NDUFA5: variants seen among roughly 807,000 people sequenced by gnomAD.
The protein encoded by NDUFA5 is NADH:ubiquinone oxidoreductase subunit A5.
Under a neutral mutation model 19.8 loss-of-function variants are expected in NDUFA5, and 11 were observed. That is an observed-to-expected ratio of 0.56 (90% CI 0.35 to 0.92). The LOEUF is 0.92. Ranked by LOEUF, NDUFA5 falls within the 40% of genes least tolerant of loss-of-function variation. NDUFA5 has a pLI of 0.01. For synonymous variants in NDUFA5, 47 were observed against 46.8 expected, an observed-to-expected ratio of 1.00 and a Z score of -0.01; for missense variants, 109 against 134.2, an observed-to-expected ratio of 0.81 and a Z score of 0.93.
At chr7:123,552,192 T>C (rs567966292) in intron 2 of NDUFA5, among the ~76,000 whole-genome samples, 3 of 136,862 alleles carry the variant, frequency 2.2e-5, no homozygotes, top group Middle Eastern at 4.1e-3. Flanking sequence ...AAAAAAAAAA[T>C]GTGTGCAGTC....
chr7:123,555,557 A>T (rs967770764), intron 2 of NDUFA5: 2 of 152,224 alleles, frequency 1.3e-5, no homozygotes, highest in Non-Finnish European at 2.9e-5. Flanking sequence ...TATCAAGAAA[A>T]ATACAGCCCA....
chr7:123,576,745 G>A, the NDUFA5 span, among the ~76,000 whole-genome samples: 1 of 152,142 alleles, frequency 6.6e-6, no homozygotes, highest in Non-Finnish European at 1.5e-5. Context: ...GTGAAGATGA[G>A]TTCTTCACCT....
the NDUFA5 span, among the ~76,000 whole-genome samples, chr7:123,601,392 A>G: frequency 6.6e-6 from 1 of 152,214 alleles, no homozygotes; most frequent in East Asian, 1.9e-4. Flanking sequence ...ACAAAAATCA[A>G]AGACAGCAAA....
Position 123,540,888 on chromosome 7 carries a change from GTGCACACACACACACACA to G in NDUFA5, c.*1213_*1230del, listed in dbSNP as rs1238862844. 13 of 83,814 alleles carry G rather than the reference GTGCACACACACACACACA, an allele frequency of 1.6e-4. No individual in the cohort carries two copies. The highest frequency in any genetic ancestry group is 5.8e-4 in the African/African-American group (13 of 22,506). 5.2% of individuals were successfully genotyped at this position (83,814 alleles called of 1,614,324 possible). A position where few individuals can be genotyped will look rare whatever the true frequency, so the allele number is the denominator to read the frequency against. ...ATTCTGAGCAAATGTGCGCATGCGC[GTGCACACACACACACACA>G]CACACACACACACACACACACACAC... On this transcript the variant is annotated 3_prime_UTR_variant, in exon 5 of 5. Coordinates refer to ENST00000355749, the MANE Select transcript of NDUFA5 (RefSeq NM_005000.5).
At chr7:123,568,487 C>T in the NDUFA5 span, among the ~76,000 whole-genome samples, 2 of 150,640 alleles carry the variant, frequency 1.3e-5, no homozygotes, top group African/African-American at 4.9e-5. Flanking sequence ...TGCCATTGCA[C>T]TCCAGCCTGA....
At chr7:123,577,922 C>T in the NDUFA5 span, among the ~76,000 whole-genome samples, 6 of 151,784 alleles carry the variant, frequency 4.0e-5, no homozygotes, top group Non-Finnish European at 7.4e-5. Flanking sequence ...CTTTAAGTTC[C>T]GGGATACGTG....
chr7:123,569,894 C>T, the NDUFA5 span, among the ~76,000 whole-genome samples: 8 of 152,094 alleles, frequency 5.3e-5, no homozygotes, highest in East Asian at 5.8e-4. Flanking sequence ...TGCCTTTGTA[C>T]GGATGACTTA....
chr7:123,570,010 T>C, the NDUFA5 span, among the ~76,000 whole-genome samples: 1 of 151,032 alleles, frequency 6.6e-6, no homozygotes, highest in Non-Finnish European at 1.5e-5. Context: ...ATACCTAAAG[T>C]TTACAACTAC....
chr7:123,556,975 G>A (rs951330159), intron 2 of NDUFA5: 2 of 446,558 alleles, frequency 4.5e-6, no homozygotes, highest in African/African-American at 4.1e-5. Context: ...GGGTTTTTTT[G>A]ATGAAAACAT....
the NDUFA5 span, among the ~76,000 whole-genome samples, chr7:123,594,774 T>C: frequency 6.6e-6 from 1 of 152,200 alleles, no homozygotes; most frequent in Non-Finnish European, 1.5e-5. Flanking sequence ...CTGTCCATTA[T>C]TGGATCTCAA....
chr7:123,569,777 T>C, the NDUFA5 span, among the ~76,000 whole-genome samples: 1 of 152,096 alleles, frequency 6.6e-6, no homozygotes, highest in Non-Finnish European at 1.5e-5. Flanking sequence ...GCAGGGGACA[T>C]GTAGGAAACA....
chr7:123,592,946 C>T, the NDUFA5 span, among the ~76,000 whole-genome samples: 11 of 151,924 alleles, frequency 7.2e-5, no homozygotes, highest in African/African-American at 2.4e-4. Flanking sequence ...TTATGAATCT[C>T]GGTGCTCCTG....
At chr7:123,580,254 G>T in the NDUFA5 span, among the ~76,000 whole-genome samples, 10 of 152,052 alleles carry the variant, frequency 6.6e-5, no homozygotes, top group African/African-American at 2.2e-4. Flanking sequence ...GTTATGCTAA[G>T]GTGGCAGATG....
At chr7:123,551,181 C>A (rs1173055404) in intron 2 of NDUFA5, among the ~76,000 whole-genome samples, 1 of 150,256 alleles carries the variant, frequency 6.7e-6, no homozygotes. Context: ...GAAATCAAGT[C>A]ATTTACTAAA....
the NDUFA5 span, among the ~76,000 whole-genome samples, chr7:123,598,598 G>A: frequency 1.1e-4 from 17 of 152,068 alleles, no homozygotes; most frequent in East Asian, 3.9e-4. Flanking sequence ...AAATAACTGC[G>A]AACCCATTTG....
At chr7:123,596,348 A>G in the NDUFA5 span, 5 of 152,264 alleles carry the variant, frequency 3.3e-5, no homozygotes, top group South Asian at 1.0e-3. Context: ...GCAGTGGCTC[A>G]TACCTGTGAT....
chr7:123,569,945 AT>A, the NDUFA5 span, among the ~76,000 whole-genome samples: 1 of 151,096 alleles, frequency 6.6e-6, no homozygotes, highest in Non-Finnish European at 1.5e-5. Context: ...TGTTATTATT[AT>A]GTTTTTGACT....
chr7:123,568,337 ACC>A, the NDUFA5 span, among the ~76,000 whole-genome samples: 1 of 151,576 alleles, frequency 6.6e-6, no homozygotes, highest in Non-Finnish European at 1.5e-5. Flanking sequence ...ACGTGGAGAA[ACC>A]CCATCTCTAC....
rs1797779196 is a variant in NDUFA5, at chr7:123,537,229, T to C, written c.*4890A>G. The C allele has an allele frequency of 6.6e-6, 1 of 152,220 alleles. No homozygotes were observed. The highest frequency in any genetic ancestry group is 1.5e-5 in the Non-Finnish European group (1 of 68,024). 9.4% of individuals were successfully genotyped at this position (152,220 alleles called of 1,614,324 possible). ...TTTATGTAATAAACATTTCTTTTGA[T>C]GTGCTTTTATTTTTACAAAGATGCC... On this transcript the variant is annotated 3_prime_UTR_variant, in exon 5 of 5. Coordinates refer to ENST00000355749, the MANE Select transcript of NDUFA5 (RefSeq NM_005000.5).
Sources: allele counts gnomAD v4.1 joint callset (sites outside exome capture counted in the v4.1 genomes callset), GRCh38; gene constraint gnomAD v4.1.1; transcripts MANE v1.5; gene names NCBI Gene and HGNC (gene_info 2026-07-23, HGNC 2026-07-21).